The following KLHL1 variants were observed in gnomAD, a reference collection of about 807,000 sequenced individuals.
KLHL1 encodes kelch-like protein 1.
Under a neutral mutation model 77.7 loss-of-function variants are expected in KLHL1, and 47 were observed. The observed-to-expected ratio is 0.60, with a 90% CI of 0.48 to 0.77. KLHL1 has a LOEUF of 0.77. Among genes scored for constraint, KLHL1 ranks in the 30% least tolerant of loss-of-function variants. The pLI, the probability that KLHL1 is intolerant of heterozygous loss-of-function variation, is 0.00. For synonymous variants in KLHL1, 360 were observed against 325.2 expected (o/e 1.11, Z -1.15); for missense variants, 925 against 910.8 (o/e 1.02, Z -0.20).
chr13:69,927,838 C>T (rs1237079560), intron 4 of KLHL1, among the ~76,000 whole-genome samples: 2 of 152,170 alleles, frequency 1.3e-5, no homozygotes, highest in Admixed American at 6.5e-5. Context: ...AGTAGTTTCT[C>T]AGAATGTTAA....
intron 6 of KLHL1, among the ~76,000 whole-genome samples, chr13:69,810,493 A>G (rs1396253787): frequency 6.6e-6 from 1 of 152,098 alleles, no homozygotes; most frequent in Admixed American, 6.6e-5. Context: ...AACAAATGAA[A>G]ATAGAGACAA....
intron 1 of KLHL1, among the ~76,000 whole-genome samples, chr13:70,061,088 G>A (rs574917552): frequency 1.3e-5 from 2 of 152,046 alleles, no homozygotes; most frequent in Admixed American, 1.3e-4. Context: ...AGGGGTCACT[G>A]GGGGAGGGAG....
chr13:69,883,023 T>C (rs1443352491), intron 4 of KLHL1, among the ~76,000 whole-genome samples: 1 of 152,138 alleles, frequency 6.6e-6, no homozygotes, highest in Non-Finnish European at 1.5e-5. Flanking sequence ...CATTCCCTCC[T>C]CTCATGACAA....
intron 1 of KLHL1, among the ~76,000 whole-genome samples, chr13:70,088,393 A>T (rs1373420322): frequency 6.6e-6 from 1 of 152,160 alleles, no homozygotes; most frequent in Non-Finnish European, 1.5e-5. Flanking sequence ...AAATATAAAA[A>T]AAAAGGCCAG....
chr13:69,872,342 G>A (rs1680868456), intron 5 of KLHL1, among the ~76,000 whole-genome samples: 1 of 152,118 alleles, frequency 6.6e-6, no homozygotes, highest in Non-Finnish European at 1.5e-5. Context: ...GCCTCCTGTA[G>A]CTTGTTACTT....
At chr13:70,073,478 A>G (rs2137420661) in intron 1 of KLHL1, among the ~76,000 whole-genome samples, 1 of 152,250 alleles carries the variant, frequency 6.6e-6, no homozygotes, top group African/African-American at 2.4e-5. Context: ...TACTGGGTGC[A>G]GCACACAAAC....
intron 1 of KLHL1, among the ~76,000 whole-genome samples, chr13:70,050,085 T>C (rs1231556778): frequency 6.6e-6 from 1 of 151,948 alleles, no homozygotes; most frequent in African/African-American, 2.4e-5. Context: ...CTACCTTTCA[T>C]TGATTATTTA....
intron 4 of KLHL1, among the ~76,000 whole-genome samples, chr13:69,907,546 A>T (rs1436658450): frequency 6.6e-6 from 1 of 152,056 alleles, no homozygotes; most frequent in Non-Finnish European, 1.5e-5. Flanking sequence ...TTCGCTAGAT[A>T]TTGAAAGTCA....
chr13:69,967,626 G>A (rs886757754), intron 2 of KLHL1, among the ~76,000 whole-genome samples: 6 of 152,138 alleles, frequency 3.9e-5, no homozygotes, highest in African/African-American at 1.2e-4. Flanking sequence ...TGTGGCTCAC[G>A]CCTGAAATCT....
At chr13:70,095,327 G>T (rs958299368) in intron 1 of KLHL1, among the ~76,000 whole-genome samples, 1 of 152,222 alleles carries the variant, frequency 6.6e-6, no homozygotes, top group Middle Eastern at 3.4e-3. Flanking sequence ...GTTCTATTTA[G>T]ATCCTTAGGA....
intron 3 of KLHL1, among the ~76,000 whole-genome samples, chr13:69,957,977 G>T (rs748860384): frequency 6.6e-6 from 1 of 151,532 alleles, no homozygotes; most frequent in African/African-American, 2.4e-5. Context: ...TTATGTTGTC[G>T]TTTATTTTAA....
intron 1 of KLHL1, among the ~76,000 whole-genome samples, chr13:70,069,768 C>T (rs896827258): frequency 2.6e-5 from 4 of 151,994 alleles, no homozygotes; most frequent in African/African-American, 9.7e-5. Flanking sequence ...TTTAATCTTC[C>T]AGACTAAAAT....
chr13:69,780,000 C>T (rs1024912175), intron 7 of KLHL1, among the ~76,000 whole-genome samples: 1 of 151,682 alleles, frequency 6.6e-6, no homozygotes, highest in Admixed American at 6.6e-5. Context: ...GACAGGGTTT[C>T]ACCATGTTGG....
chr13:69,959,261 G>A (rs903281922), intron 3 of KLHL1, among the ~76,000 whole-genome samples: 1 of 151,966 alleles, frequency 6.6e-6, no homozygotes, highest in African/African-American at 2.4e-5. Flanking sequence ...CACAGGAAAT[G>A]CAAGACTGCC....
chr13:70,102,888 T>C (rs1887957724), intron 1 of KLHL1, among the ~76,000 whole-genome samples: 1 of 152,198 alleles, frequency 6.6e-6, no homozygotes, highest in Non-Finnish European at 1.5e-5. Flanking sequence ...ACAGTATTTA[T>C]TGAGTAACTA....
chr13:69,715,280 G>A (rs1183343859), intron 9 of KLHL1, among the ~76,000 whole-genome samples: 2 of 152,132 alleles, frequency 1.3e-5, no homozygotes, highest in African/African-American at 4.8e-5. Flanking sequence ...GGTGGGGGGT[G>A]ATTGGATAAT....
rs117486559 is a variant in KLHL1, at chr13:70,022,018, G to C, written c.498-46216C>G. Reference sequence around the variant, plus strand: ...AGTCTCATTTATCAATTTTTTCAGAGATCATTCCTTTGGTGTTATAGATAC... The same window carrying C: ...AGTCTCATTTATCAATTTTTTCAGACATCATTCCTTTGGTGTTATAGATAC... On this transcript the variant is annotated intron_variant, in intron 1 of 10. Coordinates refer to ENST00000377844, the MANE Select transcript of KLHL1 (RefSeq NM_020866.3). 1.2e-3 allele frequency among the ~76,000 whole-genome samples: 178 copies of C among 151,962 alleles called. 6 individuals are homozygous for C. The highest frequency in any genetic ancestry group is 1.4e-3 in the Non-Finnish European group (94 of 67,902).
At chr13:69,971,503 T>C (rs577146830) in intron 2 of KLHL1, among the ~76,000 whole-genome samples, 2 of 152,206 alleles carry the variant, frequency 1.3e-5, no homozygotes, top group South Asian at 4.1e-4. Context: ...ACCAACTCAT[T>C]ATCCTTGTAA....
At chr13:69,960,606 ATCT>A (rs1174757407) in intron 3 of KLHL1, among the ~76,000 whole-genome samples, 1 of 151,978 alleles carries the variant, frequency 6.6e-6, no homozygotes, top group African/African-American at 2.4e-5. Flanking sequence ...CCTCATCTAC[ATCT>A]TCTGTTCATT....
Sources: allele counts gnomAD v4.1 joint callset (sites outside exome capture counted in the v4.1 genomes callset), GRCh38; gene constraint gnomAD v4.1.1; transcripts MANE v1.5; gene names NCBI Gene and HGNC (gene_info 2026-07-23, HGNC 2026-07-21).